DCLK1: variants seen among roughly 807,000 people sequenced by gnomAD.
DCLK1 encodes serine/threonine-protein kinase DCLK1.
A neutral mutation model predicts 86.2 loss-of-function variants in DCLK1; 16 were observed. The observed-to-expected ratio is 0.19, with a 90% CI of 0.13 to 0.28. The LOEUF (loss-of-function observed/expected upper bound fraction) is 0.28. Among genes scored for constraint, DCLK1 ranks in the 10% least tolerant of loss-of-function variants. The pLI is 1.00. For synonymous variants in DCLK1, 369 were observed against 370.5 expected (o/e 1.00, Z 0.05); for missense variants, 590 against 940.2 (o/e 0.63, Z 4.87).
chr13:35,988,197 G>C (rs1170988), intron 3 of DCLK1, among the ~76,000 whole-genome samples: 145,952 of 152,346 alleles, frequency 0.96, 70,171 homozygotes, highest in East Asian at 1. Context: ...GGCCCCCGCC[G>C]CACCCACTGC....
At chr13:36,006,132 T>C (rs548900546) in intron 3 of DCLK1, among the ~76,000 whole-genome samples, 1 of 152,234 alleles carries the variant, frequency 6.6e-6, no homozygotes, top group African/African-American at 2.4e-5. Flanking sequence ...CGTATACCTA[T>C]GTAACAAACC....
intron 5 of DCLK1, among the ~76,000 whole-genome samples, chr13:35,856,182 T>C (rs1470183021): frequency 6.6e-6 from 1 of 152,202 alleles, no homozygotes; most frequent in African/African-American, 2.4e-5. Flanking sequence ...TTTTTGTTTG[T>C]TTGTTTGCAG....
chr13:36,102,019 AG>A (rs1210146351), intron 3 of DCLK1, among the ~76,000 whole-genome samples: 1 of 152,152 alleles, frequency 6.6e-6, no homozygotes, highest in Non-Finnish European at 1.5e-5. Context: ...CTGGGATTAC[AG>A]GCATGAGCCA....
intron 11 of DCLK1, among the ~76,000 whole-genome samples, chr13:35,818,310 A>T (rs1052433313): frequency 1.3e-5 from 2 of 152,232 alleles, no homozygotes; most frequent in Admixed American, 6.5e-5. Context: ...TTATCTTGTG[A>T]GCATGGAATT....
intron 3 of DCLK1, among the ~76,000 whole-genome samples, chr13:35,947,935 T>C (rs1877473357): frequency 6.6e-6 from 1 of 152,206 alleles, no homozygotes; most frequent in Non-Finnish European, 1.5e-5. Context: ...CTACCTCTAG[T>C]TGAAAGAAAA....
intron 3 of DCLK1, among the ~76,000 whole-genome samples, chr13:36,077,262 C>G (rs566319479): frequency 6.6e-6 from 1 of 152,234 alleles, no homozygotes; most frequent in East Asian, 1.9e-4. Context: ...CCAAAAATTA[C>G]AACATATTTT....
intron 3 of DCLK1, among the ~76,000 whole-genome samples, chr13:36,066,803 A>G (rs978037909): frequency 2.0e-5 from 3 of 152,078 alleles, no homozygotes; most frequent in African/African-American, 7.2e-5. Flanking sequence ...AAACACATGA[A>G]AAAATGCTCA....
chr13:35,958,205 TATA>T (rs1878210922), intron 3 of DCLK1, among the ~76,000 whole-genome samples: 1 of 40,500 alleles, frequency 2.5e-5, no homozygotes, highest in African/African-American at 2.4e-4. Context: ...CCACCACCAT[TATA>T]ACCATCACCA....
At chr13:35,778,913 T>C (rs907821944) in intron 16 of DCLK1, among the ~76,000 whole-genome samples, 46 of 152,348 alleles carry the variant, frequency 3.0e-4, no homozygotes, top group African/African-American at 1.1e-3. Context: ...AACTGATGTA[T>C]CTCTGAATGT....
chr13:36,042,229 G>A (rs1480323569), intron 3 of DCLK1, among the ~76,000 whole-genome samples: 2 of 152,116 alleles, frequency 1.3e-5, no homozygotes, highest in Non-Finnish European at 2.9e-5. Flanking sequence ...CCATTTCCAC[G>A]CATATCCTAA....
chr13:35,899,712 T>C (rs1193237703), intron 4 of DCLK1, among the ~76,000 whole-genome samples: 1 of 152,184 alleles, frequency 6.6e-6, no homozygotes, highest in African/African-American at 2.4e-5. Context: ...TCATAAACTA[T>C]GGTCATTGGC....
intron 3 of DCLK1, among the ~76,000 whole-genome samples, chr13:36,107,382 C>A (rs914190330): frequency 1.5e-5 from 2 of 131,276 alleles, no homozygotes; most frequent in Non-Finnish European, 3.1e-5. Context: ...CTCACTCTGT[C>A]GCCCAGGCTG....
At chr13:35,853,038 A>C (rs1593662718) in intron 6 of DCLK1, among the ~76,000 whole-genome samples, 1 of 152,190 alleles carries the variant, frequency 6.6e-6, no homozygotes, top group Admixed American at 6.5e-5. Context: ...CTATAGATTG[A>C]CGCCTCACTG....
At chr13:35,788,081 G>T in intron 16 of DCLK1, 1 of 857,712 alleles carries the variant, frequency 1.2e-6, no homozygotes. Flanking sequence ...AGATTAAAAT[G>T]AAACTGATAA....
intron 6 of DCLK1, chr13:35,847,863 G>A: frequency 1.0e-6 from 1 of 985,214 alleles, no homozygotes; most frequent in Non-Finnish European, 1.2e-6. Context: ...AAAATTCTAT[G>A]GCAGTACAGA....
chr13:35,989,963 T>C (rs1468031640), intron 3 of DCLK1, among the ~76,000 whole-genome samples: 3 of 152,222 alleles, frequency 2.0e-5, no homozygotes, highest in African/African-American at 2.4e-5. Flanking sequence ...GTGCCAGATA[T>C]ACCTTTTTGC....
chr13:35,875,923 A>G (rs1044853603), intron 4 of DCLK1, among the ~76,000 whole-genome samples: 1 of 152,092 alleles, frequency 6.6e-6, no homozygotes, highest in African/African-American at 2.4e-5. Flanking sequence ...ATCAGAACCC[A>G]ACTCTCTTGG....
At chr13:35,920,564 T>C (rs1566603318) in intron 4 of DCLK1, among the ~76,000 whole-genome samples, 1 of 152,110 alleles carries the variant, frequency 6.6e-6, no homozygotes, top group Non-Finnish European at 1.5e-5. Context: ...ACGGGGGTTG[T>C]GGAGGAAACC....
intron 4 of DCLK1, among the ~76,000 whole-genome samples, chr13:35,937,076 T>C (rs1473213178): frequency 6.7e-6 from 1 of 149,776 alleles, no homozygotes; most frequent in Non-Finnish European, 1.5e-5. Context: ...TTCACGCCAT[T>C]CTCCTGCCTC....
Sources: gnomAD v4.1 joint callset for allele counts (sites outside exome capture counted in the v4.1 genomes callset) on GRCh38, gnomAD v4.1.1 for gene constraint, MANE v1.5 for transcripts, NCBI Gene and HGNC (gene_info 2026-07-23, HGNC 2026-07-21) for gene names.